The following FRMD4A variants were observed in gnomAD, a reference collection of about 807,000 sequenced individuals.
The protein encoded by FRMD4A is FERM domain containing 4A.
Under a neutral mutation model 129.1 loss-of-function variants are expected in FRMD4A, and 29 were observed. The ratio of observed to expected loss-of-function variants is 0.22; its 90% CI spans 0.17 to 0.31. FRMD4A has a LOEUF of 0.31. FRMD4A is among the 10% of genes least tolerant of loss of function. The pLI is 1.00. For missense variants in FRMD4A, 1,272 were observed against 1,375.8 expected (o/e 0.92, Z 1.19); for synonymous variants, 634 against 571.6 (o/e 1.11, Z -1.56).
At chr10:14,035,105 T>TACG (rs761770733) in intron 2 of FRMD4A, among the ~76,000 whole-genome samples, 1 of 152,158 alleles carries the variant, frequency 6.6e-6, no homozygotes, top group East Asian at 1.9e-4. Context: ...TCTTATATGC[T>TACG]ACGTTAGGGA....
intron 20 of FRMD4A, 86 bp from the exon 21 acceptor site, chr10:13,659,576 G>T: frequency 1.5e-6 from 2 of 1,355,832 alleles, no homozygotes; most frequent in Non-Finnish European, 2.0e-6. Context: ...AATGATCCCA[G>T]CATGTGGGGA....
chr10:13,761,345 C>G (rs2092066603), intron 8 of FRMD4A, among the ~76,000 whole-genome samples: 1 of 152,214 alleles, frequency 6.6e-6, no homozygotes, highest in Non-Finnish European at 1.5e-5. Context: ...ATTCCAGCCT[C>G]TACGAGACAT....
chr10:14,147,116 C>A (rs1237623878), intron 2 of FRMD4A, among the ~76,000 whole-genome samples: 2 of 152,166 alleles, frequency 1.3e-5, no homozygotes, highest in African/African-American at 4.8e-5. Context: ...GATTTGGTAG[C>A]CTAGGGCATA....
chr10:13,779,004 C>CATTTATTT (rs66555199), intron 6 of FRMD4A, among the ~76,000 whole-genome samples: 1 of 151,304 alleles, frequency 6.6e-6, no homozygotes, highest in Non-Finnish European at 1.5e-5. Flanking sequence ...CTGGGCTTTA[C>CATTTATTT]ATTTATTTAT....
chr10:14,194,580 T>A (rs10732939), intron 2 of FRMD4A, among the ~76,000 whole-genome samples: 1 of 152,172 alleles, frequency 6.6e-6, no homozygotes. Context: ...CACTGCACTC[T>A]CGCCTGGGCG....
chr10:13,964,560 T>C (rs1392819375), intron 2 of FRMD4A, among the ~76,000 whole-genome samples: 1 of 152,224 alleles, frequency 6.6e-6, no homozygotes, highest in Non-Finnish European at 1.5e-5. Context: ...GTTCCTCACT[T>C]CATGGGATCT....
chr10:13,769,043 T>G (rs2092375662), intron 6 of FRMD4A, among the ~76,000 whole-genome samples: 1 of 142,778 alleles, frequency 7.0e-6, no homozygotes, highest in African/African-American at 2.7e-5. Context: ...CAGGCTGGAG[T>G]GTAGTGGCGC....
At chr10:13,803,264 C>A (rs577023246) in intron 4 of FRMD4A, among the ~76,000 whole-genome samples, 11 of 152,090 alleles carry the variant, frequency 7.2e-5, no homozygotes, top group Non-Finnish European at 1.2e-4. Flanking sequence ...AAATCATGGG[C>A]TCTCCAGCCC....
At chr10:14,074,103 A>G (rs1439167870) in intron 2 of FRMD4A, among the ~76,000 whole-genome samples, 1 of 152,182 alleles carries the variant, frequency 6.6e-6, no homozygotes, top group Non-Finnish European at 1.5e-5. Context: ...AGAGCAAGAT[A>G]GTCTCAAAAA....
intron 2 of FRMD4A, among the ~76,000 whole-genome samples, chr10:14,116,755 C>G (rs1184741485): frequency 1.3e-5 from 2 of 152,308 alleles, no homozygotes; most frequent in Non-Finnish European, 2.9e-5. Flanking sequence ...CAAACCAGCA[C>G]CTGACATAAT....
intron 15 of FRMD4A, among the ~76,000 whole-genome samples, chr10:13,680,692 C>T (rs1240074729): frequency 6.6e-6 from 1 of 151,864 alleles, no homozygotes; most frequent in African/African-American, 2.4e-5. Flanking sequence ...CGCCACTGCA[C>T]TCCAGCCGGG....
At chr10:14,129,226 C>A (rs912672310) in intron 2 of FRMD4A, among the ~76,000 whole-genome samples, 1 of 151,340 alleles carries the variant, frequency 6.6e-6, no homozygotes, top group Non-Finnish European at 1.5e-5. Flanking sequence ...ACCTTATTAC[C>A]GTATATCTAG....
chr10:13,891,731 G>C, intron 2 of FRMD4A: 1 of 984,318 alleles, frequency 1.0e-6, no homozygotes, highest in Non-Finnish European at 1.2e-6. Context: ...TGGCCTACTA[G>C]GCGGCCTTGG....
rs540821242 is a variant in FRMD4A at position 14,097,403 on chromosome 10, T to C, written c.45+232655A>G. 2.0e-5 allele frequency among the ~76,000 whole-genome samples: 3 copies of C among 152,224 alleles called. No homozygotes were observed. The East Asian group carries it at 5.8e-4, about 29-fold the overall frequency. Reference sequence around the variant, plus strand: ...GTGATGATAATAAAGTAGCTCATATTTCCTGAGCACTAACTACGTTCTAGG... The same window carrying C: ...GTGATGATAATAAAGTAGCTCATATCTCCTGAGCACTAACTACGTTCTAGG... On this transcript the variant is annotated intron_variant, in intron 2 of 24. Coordinates refer to ENST00000357447, the MANE Select transcript of FRMD4A (RefSeq NM_018027.5).
At chr10:14,264,788 CT>C (rs754147886) in intron 2 of FRMD4A, among the ~76,000 whole-genome samples, 288 of 145,636 alleles carry the variant, frequency 2.0e-3, no homozygotes, top group Admixed American at 2.3e-3. Context: ...AAAAGAAACA[CT>C]TTTTTTTTTT....
rs77214280 is a variant in FRMD4A at position 13,836,532 on chromosome 10, C to T, written c.111+22315G>A. On this transcript the variant is annotated intron_variant, in intron 3 of 24. Coordinates refer to ENST00000357447, the MANE Select transcript of FRMD4A (RefSeq NM_018027.5). ...GCGAAGTGGCTTGTTTGGAGCCACC[C>T]GTTACCCCTAGTAGAGCTGGAATAG... Among the ~76,000 whole-genome samples, 1,518 of 152,192 alleles carry T rather than the reference C, an allele frequency of 1.0e-2. 52 individuals are homozygous for T. Among genetic ancestry groups the T allele is most frequent in the South Asian group, 0.057 (277 of 4,824 alleles).
chr10:14,130,858 C>A (rs1007495455), intron 2 of FRMD4A, among the ~76,000 whole-genome samples: 1 of 152,202 alleles, frequency 6.6e-6, no homozygotes, highest in Non-Finnish European at 1.5e-5. Flanking sequence ...TAGGCCCAAG[C>A]TGTTTGGCTT....
At chr10:13,904,381 C>T (rs183823781) in intron 2 of FRMD4A, among the ~76,000 whole-genome samples, 4 of 152,324 alleles carry the variant, frequency 2.6e-5, no homozygotes, top group East Asian at 3.9e-4. Flanking sequence ...TCCGCTCAGA[C>T]GCCTCATTCC....
intron 2 of FRMD4A, among the ~76,000 whole-genome samples, chr10:13,945,881 G>A (rs1156259929): frequency 6.6e-6 from 1 of 152,152 alleles, no homozygotes; most frequent in East Asian, 1.9e-4. Context: ...AGGCTTCAAG[G>A]AAGAAGCCAG....
Sources: gnomAD v4.1 joint callset for allele counts (sites outside exome capture counted in the v4.1 genomes callset) on GRCh38, gnomAD v4.1.1 for gene constraint, MANE v1.5 for transcripts, NCBI Gene and HGNC (gene_info 2026-07-23, HGNC 2026-07-21) for gene names.